The following ABHD6 variants were observed in gnomAD, a reference collection of about 807,000 sequenced individuals.
ABHD6 encodes abhydrolase domain containing 6, acylglycerol lipase, also known as monoacylglycerol lipase ABHD6.
In ABHD6, 33 loss-of-function variants were observed where a neutral mutation model predicts 38.8. The ratio of observed to expected loss-of-function variants is 0.85; its 90% CI spans 0.64 to 1.14. The LOEUF (loss-of-function observed/expected upper bound fraction) is 1.14. Ranked by LOEUF, ABHD6 falls within the 50% of genes most tolerant of loss-of-function variation. The pLI is 0.00. For synonymous variants in ABHD6, 147 were observed against 161.6 expected, an observed-to-expected ratio of 0.91 and a Z score of 0.69; for missense variants, 380 against 422.6, an observed-to-expected ratio of 0.90 and a Z score of 0.88.
intron 7 of ABHD6, among the ~76,000 whole-genome samples, chr3:58,280,690 T>C (rs928355675): frequency 6.6e-6 from 1 of 152,260 alleles, no homozygotes; most frequent in Non-Finnish European, 1.5e-5. Context: ...TTTAGAATTT[T>C]CAGCTTTTCT....
rs988574713 is a variant in ABHD6, at chr3:58,237,794, G to T, written c.-213G>T. 1 of 152,164 alleles carries T rather than the reference G, an allele frequency of 6.6e-6. No homozygotes were observed. The highest frequency in any genetic ancestry group is 6.5e-5 in the Admixed American group (1 of 15,300). 9.4% of individuals were successfully genotyped at this position (152,164 alleles called of 1,614,324 possible). A position where few individuals can be genotyped will look rare whatever the true frequency, so the allele number is the denominator to read the frequency against. ...CTGCGCCTTTAAGGAGTCCAGCTGG[G>T]CTGGGCGCCGGAGCTGGGAGCGGCG... On this transcript the variant is annotated 5_prime_UTR_variant, in exon 1 of 10. Transcript: ENST00000478253.
rs1228708526 is a variant in ABHD6, at chr3:58,294,165, G to C, written c.*400G>C. On this transcript the variant is annotated 3_prime_UTR_variant, in exon 10 of 10. Transcript: ENST00000478253. ...GCATCAGGTGTATTCCCTTGCATGG[G>C]CAGTGGCTTTTATAGGAGCATTAGT... 6.2e-6 allele frequency: 1 copy of C among 160,730 alleles called. No individual in the cohort carries two copies. The highest frequency in any genetic ancestry group is 1.4e-5 in the Non-Finnish European group (1 of 73,704). The allele number at this position is 160,730 out of a possible 1,614,324, so 10.0% of individuals were successfully genotyped here.
intron 7 of ABHD6, among the ~76,000 whole-genome samples, chr3:58,278,693 A>G (rs1287088420): frequency 6.6e-6 from 1 of 152,170 alleles, no homozygotes; most frequent in East Asian, 1.9e-4. Flanking sequence ...TTGTGATGTT[A>G]GGGTGTCAAT....
intron 2 of ABHD6, among the ~76,000 whole-genome samples, chr3:58,254,863 C>T (rs1437670288): frequency 6.7e-6 from 1 of 150,176 alleles, no homozygotes; most frequent in Non-Finnish European, 1.5e-5. Context: ...CACACACACA[C>T]ACACACACAC....
In ABHD6 at chr3:58,256,660, C is replaced by T; in HGVS notation, c.74C>T (p.Ala25Val). The T allele has an allele frequency of 6.2e-7, 1 of 1,613,612 alleles. No individual in the cohort carries two copies. Among genetic ancestry groups the T allele is most frequent in the Non-Finnish European group, 8.5e-7 (1 of 1,179,998 alleles). ...GCCATCCCAATCCTGGCATTTGTGG[C>T]TTCATTTCTTCTGTGGCCTTCAGCA... ...TLAIPILAFV[A>V]SFLLWPSALI... Residue 25 changes from alanine to valine, a missense_variant, in exon 3 of 10, where the codon GCT (alanine) becomes GTT (valine). By Grantham distance (64) the Ala-to-Val change is moderately conservative. Coordinates refer to ENST00000478253, the MANE Select transcript of ABHD6 (RefSeq NM_001320126.2). The surrounding 1 kb of genome is among the most constrained non-coding windows in gnomAD (Gnocchi z 4.3).
intron 9 of ABHD6, among the ~76,000 whole-genome samples, chr3:58,289,613 GAA>G (rs1189117382): frequency 6.6e-6 from 1 of 152,142 alleles, no homozygotes; most frequent in African/African-American, 2.4e-5. Flanking sequence ...AGAACAAAAT[GAA>G]AAGTCTCCCA....
chr3:58,273,798 G>A lies in ABHD6; in HGVS notation c.524-860G>A, dbSNP rs2097446678. On this transcript the variant is annotated intron_variant, in intron 6 of 9. Transcript: ENST00000478253. The surrounding 1 kb of genome is among the most constrained non-coding windows in gnomAD (Gnocchi z 4.8). Reference sequence around the variant, plus strand: ...ATGAGGGACTTAAAACCTAGATGACGGGTTGATAGGTGCAGCAAACCACCG... The same window carrying A: ...ATGAGGGACTTAAAACCTAGATGACAGGTTGATAGGTGCAGCAAACCACCG... Among the ~76,000 whole-genome samples, 5 of 152,036 alleles carry A rather than the reference G, an allele frequency of 3.3e-5. No homozygotes were observed. Among genetic ancestry groups the A allele is most frequent in the Admixed American group, 2.6e-4 (4 of 15,276 alleles).
intron 1 of ABHD6, among the ~76,000 whole-genome samples, chr3:58,248,992 C>T (rs1466742566): frequency 6.6e-6 from 1 of 152,012 alleles, no homozygotes; most frequent in African/African-American, 2.4e-5. Context: ...TTTGTATTTC[C>T]CTCCTGGTAA....
At chr3:58,290,224 A>C (rs1575534255) in intron 9 of ABHD6, among the ~76,000 whole-genome samples, 6 of 92,360 alleles carry the variant, frequency 6.5e-5, no homozygotes, top group Admixed American at 1.1e-4. Flanking sequence ...GGGGCTCCTC[A>C]CTTCCCAGTA....
At chr3:58,262,304 A>G (rs1464410251) in intron 3 of ABHD6, among the ~76,000 whole-genome samples, 2 of 152,238 alleles carry the variant, frequency 1.3e-5, no homozygotes, top group Non-Finnish European at 2.9e-5. Context: ...ACTTGTTAAA[A>G]TGGTAAATGT....
chr3:58,285,469 C>G lies in ABHD6; in HGVS notation c.837+16C>G. The G allele has an allele frequency of 6.2e-7, 1 of 1,606,620 alleles. No homozygotes were observed. Among genetic ancestry groups the G allele is most frequent in the Non-Finnish European group, 8.5e-7 (1 of 1,173,252 alleles). The stretch of plus-strand genomic sequence containing the variant: ...ACAAGACCAGGTATGTAACACATCC[C>G]CGCGGCAGTCTGTGCTGGTCACCAG... On this transcript the variant is annotated intron_variant, in intron 9 of 9. Coordinates refer to ENST00000478253, the MANE Select transcript of ABHD6 (RefSeq NM_001320126.2). This position sits in a 1 kb window ranked among gnomAD's most constrained non-coding sequence, Gnocchi z 4.9.
chr3:58,264,019 G>A (rs911265425), intron 3 of ABHD6, among the ~76,000 whole-genome samples: 1 of 151,664 alleles, frequency 6.6e-6, no homozygotes, highest in Non-Finnish European at 1.5e-5. Flanking sequence ...AAAAAATTGG[G>A]TCCTGTTTTT....
intron 9 of ABHD6, among the ~76,000 whole-genome samples, chr3:58,286,852 G>GTATATATATATATATATATATATA (rs1235603195): frequency 3.0e-4 from 21 of 70,624 alleles, no homozygotes; most frequent in African/African-American, 5.7e-4. Context: ...GTGTGTGTGT[G>GTATATATATATATATATATATATA]TATATATATA....
intron 3 of ABHD6, chr3:58,258,300 T>A (rs1253589583): frequency 2.5e-6 from 1 of 401,046 alleles, no homozygotes; most frequent in Non-Finnish European, 5.0e-6. Flanking sequence ...AGAGCAGAAC[T>A]GCATCTCAAA....
chr3:58,257,740 A>G lies in ABHD6; in HGVS notation c.119+1035A>G, dbSNP rs1288613589. Among the ~76,000 whole-genome samples, 2 of 152,114 alleles carry G rather than the reference A, an allele frequency of 1.3e-5. No individual in the cohort carries two copies. The highest frequency in any genetic ancestry group is 2.9e-5 in the Non-Finnish European group (2 of 68,016). ...TGAAAAATGAACAAGAAAGACCAGA[A>G]CCATTGAGATGGCATGTTTAGGACA... On this transcript the variant is annotated intron_variant, in intron 3 of 9. Coordinates refer to ENST00000478253, the MANE Select transcript of ABHD6 (RefSeq NM_001320126.2). The surrounding 1 kb of genome is among the most constrained non-coding windows in gnomAD (Gnocchi z 4.8).
At chr3:58,284,284 T>A (rs770828702) in intron 7 of ABHD6, among the ~76,000 whole-genome samples, 1 of 152,154 alleles carries the variant, frequency 6.6e-6, no homozygotes, top group Non-Finnish European at 1.5e-5. Context: ...AAAGGGCTGT[T>A]GAACCCTCCC....
rs1287439855 is a variant in ABHD6 at position 58,237,914 on chromosome 3, C to T, written c.-93C>T. 20 of 151,754 alleles carry T rather than the reference C, an allele frequency of 1.3e-4. No individual in the cohort carries two copies. The highest frequency in any genetic ancestry group is 1.3e-3 in the Admixed American group (20 of 15,278). The allele number at this position is 151,754 out of a possible 1,614,324, so 9.4% of individuals were successfully genotyped here. A position where few individuals can be genotyped will look rare whatever the true frequency, so the allele number is the denominator to read the frequency against. On this transcript the variant is annotated splice_region_variant and 5_prime_UTR_variant, in exon 1 of 10. Coordinates refer to ENST00000478253, the MANE Select transcript of ABHD6 (RefSeq NM_001320126.2). The stretch of plus-strand genomic sequence containing the variant: ...CGGGACCCAGGCGGTTGAGGCTGGT[C>T]AGGTGAGCGGAGGCGGGCGGGCGGG...
At chr3:58,255,993 A>G (rs185469907) in intron 2 of ABHD6, among the ~76,000 whole-genome samples, 1 of 151,996 alleles carries the variant, frequency 6.6e-6, no homozygotes, top group Non-Finnish European at 1.5e-5. Context: ...TTGAAAGGAT[A>G]ATATCATGTA....
chr3:58,285,552 G>C lies in ABHD6; in HGVS notation c.837+99G>C. ...CAAGTGGTTATTTATGGAGTGAGCTGATCGCTGCTGTCAGGAAGAGGGGGA... is the reference window on the plus strand; with the variant it reads ...CAAGTGGTTATTTATGGAGTGAGCTCATCGCTGCTGTCAGGAAGAGGGGGA... On this transcript the variant is annotated intron_variant, in intron 9 of 9. Transcript: ENST00000478253. This position sits in a 1 kb window ranked among gnomAD's most constrained non-coding sequence, Gnocchi z 4.9. 1 of 1,044,346 alleles carries C rather than the reference G, an allele frequency of 9.6e-7. No homozygotes were observed. The highest frequency in any genetic ancestry group is 1.5e-6 in the Non-Finnish European group (1 of 678,958). The allele number at this position is 1,044,346 out of a possible 1,614,324, so 64.7% of individuals were successfully genotyped here.
Sources: allele counts gnomAD v4.1 joint callset (sites outside exome capture counted in the v4.1 genomes callset), GRCh38; gene constraint gnomAD v4.1.1; non-coding constraint Gnocchi (gnomAD v3.1); transcripts MANE v1.5; gene names NCBI Gene and HGNC (gene_info 2026-07-23, HGNC 2026-07-21).